DDT: variants seen among roughly 807,000 people sequenced by gnomAD.
DDT encodes the protein D-dopachrome decarboxylase.
A neutral mutation model predicts 2.5 loss-of-function variants in DDT; 4 were observed. That is an observed-to-expected ratio of 1.59 (90% confidence interval 0.78 to 3.63). The LOEUF is 3.63. DDT is among the 30% of genes most tolerant of loss of function. The pLI is 0.01. For synonymous variants in DDT, 11 were observed against 10.0 expected (o/e 1.10, Z -0.19); for missense variants, 32 against 30.0 (o/e 1.07, Z -0.15).
chr22:23,971,877 T>TGC (rs1451075427), intron 2 of DDT: 1 of 477,746 alleles, frequency 2.1e-6, no homozygotes, highest in African/African-American at 1.9e-5. Context: ...TCGGTGTGTG[T>TGC]GCCGTACACT....
intron 2 of DDT, chr22:23,972,038 A>G (rs2033916179): frequency 1.0e-5 from 4 of 393,222 alleles, no homozygotes; most frequent in Admixed American, 6.2e-5. Flanking sequence ...TGTCTGGGCC[A>G]TAAGTGAACA....
rs759224342 is a variant in DDT at position 23,971,554 on chromosome 22, TAAA to T, written c.351_353del (p.Phe117del). On this transcript the variant is annotated inframe_deletion, in exon 3 of 3. Coordinates refer to ENST00000398344, the MANE Select transcript of DDT (RefSeq NM_001084392.3). ...CCCTGGATCCCTCCGTGCCCAATCA[TAAA>T]AAAGTCATGACCGTCCCTATCTTGC... The T allele has an allele frequency of 2.5e-6, 4 of 1,613,848 alleles. No individual in the cohort carries two copies. The highest frequency in any genetic ancestry group is 3.4e-6 in the Non-Finnish European group (4 of 1,179,962).
chr22:23,971,594 G>A lies in DDT; in HGVS notation c.314C>T (p.Ser105Phe), dbSNP rs1408745776. ...RILIRFFPLE[S>F]WQIGKIGTVM... ...CGTCCCTATCTTGCCAATCTGCCAG[G>A]ACTCCAAGGGGAAAAAGCGGATAAG... Residue 105 changes from serine to phenylalanine, a missense_variant, in exon 3 of 3, where the codon TCC (serine) becomes TTC (phenylalanine). By Grantham distance (155) the Ser-to-Phe change is radical. Transcript: ENST00000398344. 1.2e-6 allele frequency: 2 copies of A among 1,613,994 alleles called. No individual in the cohort carries two copies. Among genetic ancestry groups the A allele is most frequent in the African/African-American group, 1.3e-5 (1 of 74,908 alleles).
chr22:23,972,612 G>A, intron 2 of DDT: 4 of 1,029,240 alleles, frequency 3.9e-6, no homozygotes, highest in Non-Finnish European at 4.7e-6. Context: ...ATGGTTGTTT[G>A]AATCAACAGA....
intron 2 of DDT, chr22:23,971,930 C>T (rs2146210145): frequency 3.6e-6 from 1 of 279,650 alleles, no homozygotes; most frequent in South Asian, 9.0e-5. Flanking sequence ...TACCCTGCCT[C>T]CTAATTGCAG....
intron 2 of DDT, 78 bp from the exon 3 acceptor site, chr22:23,971,701 C>T: frequency 4.5e-6 from 6 of 1,342,718 alleles, no homozygotes; most frequent in Non-Finnish European, 6.3e-6. Context: ...CAGGTACTCC[C>T]ACTGTGGGTA....
intron 2 of DDT, chr22:23,971,851 A>C: frequency 1.8e-6 from 1 of 560,940 alleles, no homozygotes; most frequent in African/African-American, 1.9e-5. Flanking sequence ...TAGGACAGAC[A>C]CACAATACAG....
chr22:23,972,067 C>A (rs1472947771), intron 2 of DDT: 11 of 637,418 alleles, frequency 1.7e-5, no homozygotes, highest in Non-Finnish European at 2.1e-5. Context: ...TCAGAGGTAA[C>A]AGCAAGTTTC....
upstream of DDT, among the ~76,000 whole-genome samples, chr22:23,974,820 AG>A (rs2033937428): frequency 5.0e-5 from 1 of 20,056 alleles, no homozygotes; most frequent in Non-Finnish European, 1.3e-4. Context: ...ACACACCTAT[AG>A]GGGTCTTCCC....
intron 2 of DDT, chr22:23,972,542 C>G (rs2033927457): frequency 1.1e-6 from 1 of 927,540 alleles, no homozygotes; most frequent in Non-Finnish European, 1.3e-6. Context: ...GGAATAAAGT[C>G]TATACGTATT....
chr22:23,971,679 C>G (rs79966373), intron 2 of DDT, 56 bp from the exon 3 acceptor site: 96,582 of 1,526,500 alleles, frequency 0.063, 3,775 homozygotes, highest in African/African-American at 0.17. Context: ...CCACATCTTG[C>G]AAGACCCCTG....
intron 2 of DDT, 97 bp from the exon 3 acceptor site, chr22:23,971,720 A>T: frequency 9.2e-7 from 1 of 1,086,550 alleles, no homozygotes; most frequent in Non-Finnish European, 1.3e-6. Context: ...TACTCAGGAC[A>T]GCCTGCCTCA....
In DDT at chr22:23,971,395, T is replaced by G; in HGVS notation, c.*156A>C. On this transcript the variant is annotated 3_prime_UTR_variant, in exon 3 of 3. Transcript: ENST00000398344. ...TTTGAATGAGGAAGCTCTCTTCATT[T>G]ATTTCATATGAGGATGAAGAAGAGG... The G allele has an allele frequency of 6.2e-7, 1 of 1,613,660 alleles. No homozygotes were observed. The highest frequency in any genetic ancestry group is 8.5e-7 in the Non-Finnish European group (1 of 1,179,782).
chr22:23,972,026 A>C (rs1249621792), intron 2 of DDT: 5 of 347,864 alleles, frequency 1.4e-5, no homozygotes, highest in East Asian at 1.6e-4. Flanking sequence ...CCCCGCCACT[A>C]ATGTCTGGGC....
chr22:23,971,644 GAT>G, intron 2 of DDT, 21 bp from the exon 3 acceptor site: 1 of 1,608,468 alleles, frequency 6.2e-7, no homozygotes, highest in Non-Finnish European at 8.5e-7. Context: ...CAGAGAAAAA[GAT>G]ATCATCAGCT....
intron 2 of DDT, chr22:23,971,848 G>C (rs1476510000): frequency 3.5e-6 from 2 of 567,858 alleles, no homozygotes; most frequent in Non-Finnish European, 6.2e-6. Flanking sequence ...AGCTAGGACA[G>C]ACACACAATA....
chr22:23,976,910 C>CT, upstream of DDT: 1 of 192,436 alleles, frequency 5.2e-6, no homozygotes, highest in Non-Finnish European at 9.2e-6. Context: ...TTCAGATTCT[C>CT]TTTAACAGCA....
Position 23,971,422 on chromosome 22 carries a change from T to C in DDT, c.*129A>G. 6.2e-7 allele frequency: 1 copy of C among 1,612,026 alleles called. No homozygotes were observed. The highest frequency in any genetic ancestry group is 1.1e-5 in the South Asian group (1 of 90,850). On this transcript the variant is annotated 3_prime_UTR_variant, in exon 3 of 3. Transcript: ENST00000398344. ...TTTCATATGAGGATGAAGAAGAGGA[T>C]TATGTGATCACAGGAATGTTGCATG...
intron 2 of DDT, chr22:23,972,553 T>A: frequency 9.9e-7 from 1 of 1,012,128 alleles, no homozygotes; most frequent in Non-Finnish European, 1.2e-6. Flanking sequence ...TATACGTATT[T>A]TCAGTATAGA....
Sources: allele counts gnomAD v4.1 joint callset (sites outside exome capture counted in the v4.1 genomes callset), GRCh38; gene constraint gnomAD v4.1.1; transcripts MANE v1.5; gene names NCBI Gene and HGNC (gene_info 2026-07-23, HGNC 2026-07-21).